The following FGF12 variants were observed in gnomAD, a reference collection of about 807,000 sequenced individuals.
FGF12 encodes fibroblast growth factor 12, also known as fibroblast growth factor 12B.
In FGF12, 14 loss-of-function variants were observed where a neutral mutation model predicts 23.6. The observed-to-expected ratio is 0.59, with a 90% CI of 0.39 to 0.93. The LOEUF (loss-of-function observed/expected upper bound fraction) is 0.93. Ranked by LOEUF, FGF12 falls within the 40% of genes least tolerant of loss-of-function variation. The probability of loss-of-function intolerance (pLI) is 0.00; values close to 1 mark genes in which losing one functional copy is unlikely to be tolerated. For synonymous variants in FGF12, 62 were observed against 77.3 expected (o/e 0.80, Z 1.04); for missense variants, 175 against 217.8 (o/e 0.80, Z 1.24).
intron 3 of FGF12, among the ~76,000 whole-genome samples, chr3:192,337,524 C>T (rs566419743): frequency 6.6e-6 from 1 of 152,212 alleles, no homozygotes; most frequent in South Asian, 2.1e-4. Context: ...TGGACTTTAC[C>T]AAATAGGCAA....
intron 4 of FGF12, among the ~76,000 whole-genome samples, chr3:192,231,958 C>T (rs1719045282): frequency 6.6e-6 from 1 of 152,182 alleles, no homozygotes; most frequent in African/African-American, 2.4e-5. Flanking sequence ...GGTAATTCCT[C>T]TGATGGACTT....
At chr3:192,547,116 C>G (rs1725514786) in intron 2 of FGF12, among the ~76,000 whole-genome samples, 1 of 152,142 alleles carries the variant, frequency 6.6e-6, no homozygotes. Flanking sequence ...TTCCTTAGAC[C>G]TACCCAACTC....
intron 2 of FGF12, among the ~76,000 whole-genome samples, chr3:192,392,175 T>C (rs1720319573): frequency 2.0e-5 from 3 of 152,256 alleles, no homozygotes; most frequent in South Asian, 4.1e-4. Context: ...ATTAAGAAGC[T>C]TCCAAAAGAC....
chr3:192,348,113 C>T lies in FGF12; in HGVS notation c.124+12315G>A, dbSNP rs190115771. ...AACAATAAAAGTGATGTTTTCTGCT[C>T]GTACCTAAGTAGGAAGGAGCAAGGA... On this transcript the variant is annotated intron_variant, in intron 3 of 5. Coordinates refer to ENST00000445105, the MANE Select transcript of FGF12 (RefSeq NM_004113.6). 8.0e-3 allele frequency among the ~76,000 whole-genome samples: 1,216 copies of T among 152,238 alleles called. 15 individuals are homozygous for T. Among genetic ancestry groups the T allele is most frequent in the African/African-American group, 0.028 (1,154 of 41,556 alleles).
In FGF12 at chr3:192,455,861, T is replaced by G. The variant is rs143919732; in HGVS notation, c.14-95323A>C. ...AAATGTCAACAGTTCCATTGGTCCC[T>G]CAAACACAATTCCACATACATGCAT... is the stretch of plus-strand genomic sequence containing the variant. On this transcript the variant is annotated intron_variant, in intron 2 of 5. Coordinates refer to ENST00000445105, the MANE Select transcript of FGF12 (RefSeq NM_004113.6). Among the ~76,000 whole-genome samples the G allele has an allele frequency of 7.9e-5, 12 of 152,292 alleles. No homozygotes were observed. The East Asian group carries it at 2.3e-3, about 29-fold the overall frequency.
chr3:192,468,529 T>C (rs1723072742), intron 2 of FGF12, among the ~76,000 whole-genome samples: 1 of 152,232 alleles, frequency 6.6e-6, no homozygotes, highest in Non-Finnish European at 1.5e-5. Context: ...TGTTTTCACA[T>C]GATTAGATGG....
chr3:192,208,547 C>T (rs1717768161), intron 4 of FGF12, among the ~76,000 whole-genome samples: 1 of 151,922 alleles, frequency 6.6e-6, no homozygotes, highest in Non-Finnish European at 1.5e-5. Context: ...ATATATACAC[C>T]AAATTATAAA....
chr3:192,198,107 G>T (rs1434075922), intron 4 of FGF12, among the ~76,000 whole-genome samples: 1 of 151,684 alleles, frequency 6.6e-6, no homozygotes, highest in African/African-American at 2.4e-5. Flanking sequence ...ATAAAAGAAA[G>T]ACCCCAAAGG....
At chr3:192,161,731 G>C (rs1577189763) in intron 5 of FGF12, among the ~76,000 whole-genome samples, 1 of 152,040 alleles carries the variant, frequency 6.6e-6, no homozygotes, top group African/African-American at 2.4e-5. Context: ...ATGATACTTT[G>C]GTTCAGAAAG....
intron 4 of FGF12, among the ~76,000 whole-genome samples, chr3:192,293,043 G>A (rs1015481905): frequency 4.6e-5 from 7 of 151,994 alleles, no homozygotes; most frequent in East Asian, 1.9e-4. Context: ...TCCTACCAAC[G>A]TGCTGGGATT....
At chr3:192,595,012 A>G (rs759393788) in intron 2 of FGF12, among the ~76,000 whole-genome samples, 1 of 152,224 alleles carries the variant, frequency 6.6e-6, no homozygotes, top group Non-Finnish European at 1.5e-5. Flanking sequence ...TAGAAGATTG[A>G]GTGATTGTAA....
intron 2 of FGF12, among the ~76,000 whole-genome samples, chr3:192,661,111 C>T (rs752491551): frequency 2.0e-5 from 3 of 152,042 alleles, no homozygotes; most frequent in African/African-American, 7.2e-5. Context: ...GATAAAAAGA[C>T]AATTTATGGC....
intron 2 of FGF12, among the ~76,000 whole-genome samples, chr3:192,622,355 C>T (rs1715006391): frequency 6.6e-6 from 1 of 152,106 alleles, no homozygotes; most frequent in Middle Eastern, 3.2e-3. Context: ...GGTAGAATGC[C>T]CTGAGCAGAA....
rs561801380 is a variant in FGF12 at position 192,337,755 on chromosome 3, T to C, written c.125-2291A>G. Among the ~76,000 whole-genome samples the C allele has an allele frequency of 2.6e-5, 4 of 152,314 alleles. No individual in the cohort carries two copies. In the East Asian group the frequency reaches 5.8e-4, roughly 22 times the overall value. ...TTTCTGAAAGTGATTCACAGAGATG[T>C]ATCCTCTCTAAGAGCTATTTGTCAT... On this transcript the variant is annotated intron_variant, in intron 3 of 5. Coordinates refer to ENST00000445105, the MANE Select transcript of FGF12 (RefSeq NM_004113.6).
At chr3:192,189,080 A>G (rs1385600370) in intron 4 of FGF12, among the ~76,000 whole-genome samples, 6 of 152,324 alleles carry the variant, frequency 3.9e-5, no homozygotes, top group East Asian at 1.9e-4. Flanking sequence ...CGGCACATCA[A>G]TGTCAAAGAA....
intron 4 of FGF12, among the ~76,000 whole-genome samples, chr3:192,239,672 A>T (rs1456317182): frequency 6.6e-6 from 1 of 152,194 alleles, no homozygotes; most frequent in African/African-American, 2.4e-5. Flanking sequence ...AACTGTGCAT[A>T]TGAGGGATCT....
intron 2 of FGF12, among the ~76,000 whole-genome samples, chr3:192,569,983 G>A (rs543120952): frequency 2.0e-5 from 3 of 152,310 alleles, no homozygotes; most frequent in Non-Finnish European, 2.9e-5. Context: ...GCCCTACACT[G>A]AGCCAGTGCC....
At chr3:192,181,939 T>TA (rs1223349269) in intron 4 of FGF12, among the ~76,000 whole-genome samples, 8 of 151,984 alleles carry the variant, frequency 5.3e-5, no homozygotes, top group Admixed American at 2.6e-4. Flanking sequence ...ACAGCCACTA[T>TA]AAATATGTTC....
chr3:192,158,328 CTTTCTCTTTCTT>C lies in FGF12; in HGVS notation c.427+12118_427+12129del, dbSNP rs1182642690. Among the ~76,000 whole-genome samples, 164 of 110,406 alleles carry C rather than the reference CTTTCTCTTTCTT, an allele frequency of 1.5e-3. 1 individual carries two copies. The highest frequency in any genetic ancestry group is 0.014 in the South Asian group (41 of 2,964). The allele number at this position is 110,406 out of a possible 152,430, so 72.4% of individuals were successfully genotyped here. A position where few individuals can be genotyped will look rare whatever the true frequency, so the allele number is the denominator to read the frequency against. On this transcript the variant is annotated intron_variant, in intron 5 of 5. Transcript: ENST00000445105. Reference sequence around the variant, plus strand: ...TTTTCCCTTTTCTCTTTCTTTCTTTCTTTCTCTTTCTTTCTTTCTTTCTTTCTTTCTTTCTTT... The same window carrying C: ...TTTTCCCTTTTCTCTTTCTTTCTTTCTCTTTCTTTCTTTCTTTCTTTCTTT...
Sources: gnomAD v4.1 joint callset for allele counts (sites outside exome capture counted in the v4.1 genomes callset) on GRCh38, gnomAD v4.1.1 for gene constraint, MANE v1.5 for transcripts, NCBI Gene and HGNC (gene_info 2026-07-23, HGNC 2026-07-21) for gene names.